SCAMP1: variants seen among roughly 807,000 people sequenced by gnomAD.
SCAMP1 encodes secretory carrier-associated membrane protein 1.
In SCAMP1, 15 loss-of-function variants were observed where a neutral mutation model predicts 41.8. The ratio of observed to expected loss-of-function variants is 0.36; its 90% CI spans 0.24 to 0.55. The LOEUF (loss-of-function observed/expected upper bound fraction) is 0.55. SCAMP1 is among the 20% of genes least tolerant of loss of function. The probability of loss-of-function intolerance (pLI) is 0.86; values close to 1 mark genes in which losing one functional copy is unlikely to be tolerated. For missense variants in SCAMP1, 341 were observed against 412.6 expected (o/e 0.83, Z 1.50); for synonymous variants, 135 against 136.8 (o/e 0.99, Z 0.09).
At chr5:78,433,264 G>A (rs1008285938) in intron 6 of SCAMP1, among the ~76,000 whole-genome samples, 4 of 152,154 alleles carry the variant, frequency 2.6e-5, no homozygotes, top group African/African-American at 9.7e-5. Context: ...ATACTTGACA[G>A]TGTGTCTTTT....
Position 78,460,799 on chromosome 5 carries a change from TC to T in SCAMP1, c.852+1439del, listed in dbSNP as rs1398231273. On this transcript the variant is annotated intron_variant, in intron 8 of 8. Transcript: ENST00000621999. ...TTCCTTCCTTCCTTCCTTCCTTCCT[TC>T]CTTCCTCCCTTCCTTCCTTCCTTTC... 4.2e-4 allele frequency among the ~76,000 whole-genome samples: 19 copies of T among 45,066 alleles called. 2 individuals are homozygous for T. Among genetic ancestry groups the T allele is most frequent in the African/African-American group, 1.5e-3 (16 of 10,844 alleles). 29.6% of individuals were successfully genotyped at this position (45,066 alleles called of 152,430 possible). A position where few individuals can be genotyped will look rare whatever the true frequency, so the allele number is the denominator to read the frequency against.
chr5:78,386,259 T>C (rs897777574), intron 1 of SCAMP1, among the ~76,000 whole-genome samples: 1 of 152,170 alleles, frequency 6.6e-6, no homozygotes, highest in Admixed American at 6.5e-5. Flanking sequence ...TTTTGTCTGA[T>C]ATAAAAATAA....
intron 2 of SCAMP1, among the ~76,000 whole-genome samples, chr5:78,391,451 CG>C: frequency 6.6e-6 from 1 of 150,660 alleles, no homozygotes; most frequent in South Asian, 2.1e-4. Flanking sequence ...GCTGGCCTGG[CG>C]GGGGCTGACC....
At chr5:78,464,102 C>T (rs1019723746) in intron 8 of SCAMP1, among the ~76,000 whole-genome samples, 1 of 151,846 alleles carries the variant, frequency 6.6e-6, no homozygotes, top group African/African-American at 2.4e-5. Flanking sequence ...CTCAGCCTCC[C>T]AAGTAGCTGG....
rs868850527 is a variant in SCAMP1, at chr5:78,414,982, C to T, written c.136-538C>T. 9.3e-4 allele frequency among the ~76,000 whole-genome samples: 135 copies of T among 145,304 alleles called. 1 individual carries two copies. The highest frequency in any genetic ancestry group is 3.4e-3 in the African/African-American group (131 of 38,834). ...TTTTTTTTTTTTTTTGAGATGGAGT[C>T]TTGCTCTGTTGCCCAGGCTGGAGTG... On this transcript the variant is annotated intron_variant, in intron 2 of 8. Coordinates refer to ENST00000621999, the MANE Select transcript of SCAMP1 (RefSeq NM_004866.6).
At chr5:78,369,443 T>TA (rs1470961670) in intron 1 of SCAMP1, among the ~76,000 whole-genome samples, 1 of 152,128 alleles carries the variant, frequency 6.6e-6, no homozygotes, top group Non-Finnish European at 1.5e-5. Flanking sequence ...TTTGCAGTGT[T>TA]ATGGGCATGG....
At chr5:78,465,744 G>A (rs1040109192) in intron 8 of SCAMP1, among the ~76,000 whole-genome samples, 20 of 152,148 alleles carry the variant, frequency 1.3e-4, no homozygotes, top group African/African-American at 4.8e-4. Context: ...AGAATGAAAA[G>A]GTTAATTGCG....
chr5:78,438,533 A>G (rs1019511162), intron 6 of SCAMP1, among the ~76,000 whole-genome samples: 1 of 152,086 alleles, frequency 6.6e-6, no homozygotes, highest in Admixed American at 6.6e-5. Context: ...TTTGAGTGAG[A>G]TTCTTAATCC....
intron 6 of SCAMP1, among the ~76,000 whole-genome samples, chr5:78,434,720 C>A (rs923755677): frequency 1.3e-5 from 2 of 152,132 alleles, no homozygotes; most frequent in Admixed American, 6.6e-5. Flanking sequence ...TATATGGCAT[C>A]ATTTGCACTT....
intron 6 of SCAMP1, among the ~76,000 whole-genome samples, chr5:78,426,690 A>C (rs1475470361): frequency 6.6e-6 from 1 of 152,196 alleles, no homozygotes; most frequent in Non-Finnish European, 1.5e-5. Context: ...CATCCTTCCC[A>C]AAATTTCCCT....
At chr5:78,361,536 A>C (rs998064126) in intron 1 of SCAMP1, among the ~76,000 whole-genome samples, 2 of 152,230 alleles carry the variant, frequency 1.3e-5, no homozygotes, top group Admixed American at 6.5e-5. Flanking sequence ...AGTCGACCTT[A>C]TCAACCCCGG....
chr5:78,405,043 A>C (rs758084228), intron 2 of SCAMP1, among the ~76,000 whole-genome samples: 1 of 152,184 alleles, frequency 6.6e-6, no homozygotes, highest in Non-Finnish European at 1.5e-5. Context: ...TGCTCTGGCA[A>C]ATTGTTACTC....
chr5:78,448,190 TTTTTTTTTG>T (rs1180539189), intron 6 of SCAMP1, among the ~76,000 whole-genome samples: 6 of 123,326 alleles, frequency 4.9e-5, no homozygotes, highest in Non-Finnish European at 8.6e-5. Flanking sequence ...TTCCCTTTTG[TTTTTTTTTG>T]TTTTTTTTTA....
chr5:78,415,019 T>G (rs902624799), intron 2 of SCAMP1, among the ~76,000 whole-genome samples: 2 of 151,466 alleles, frequency 1.3e-5, no homozygotes, highest in Non-Finnish European at 2.9e-5. Context: ...AGTGGTACAG[T>G]CTTGGCTCAC....
chr5:78,362,693 G>A (rs1750687167), intron 1 of SCAMP1, among the ~76,000 whole-genome samples: 1 of 152,088 alleles, frequency 6.6e-6, no homozygotes, highest in Admixed American at 6.5e-5. Context: ...CACTGTCAGT[G>A]TATCTGACCC....
intron 8 of SCAMP1, among the ~76,000 whole-genome samples, chr5:78,465,230 G>A (rs897743833): frequency 3.3e-5 from 5 of 152,168 alleles, no homozygotes; most frequent in African/African-American, 1.2e-4. Context: ...TGGGTACGCA[G>A]CTGTTAAGCA....
At position 78,460,808 on chromosome 5, in the gene SCAMP1, C is replaced by CTTT. The variant is rs1164686959; in HGVS notation, c.852+1446_852+1447insTTT. On this transcript the variant is annotated intron_variant, in intron 8 of 8. Transcript: ENST00000621999. Reference sequence around the variant, plus strand: ...TCCTTCCTTCCTTCCTTCCTTCCTCCCTTCCTTCCTTCCTTTCTTGTCTTT... The same window carrying CTTT: ...TCCTTCCTTCCTTCCTTCCTTCCTCCTTTCTTCCTTCCTTCCTTTCTTGTCTTT... 2.2e-3 allele frequency among the ~76,000 whole-genome samples: 52 copies of CTTT among 23,148 alleles called. 7 individuals carry two copies. The highest frequency in any genetic ancestry group is 3.8e-3 in the African/African-American group (31 of 8,226). The allele number at this position is 23,148 out of a possible 152,430, so 15.2% of individuals were successfully genotyped here.
intron 6 of SCAMP1, among the ~76,000 whole-genome samples, chr5:78,428,342 G>T (rs571748947): frequency 5.3e-5 from 8 of 152,200 alleles, no homozygotes; most frequent in Admixed American, 2.0e-4. Flanking sequence ...TTGTACTTCT[G>T]TTGAAAAATC....
chr5:78,449,911 T>G (rs771782873), intron 6 of SCAMP1, 22 bp from the exon 7 acceptor site: 9 of 1,377,970 alleles, frequency 6.5e-6, no homozygotes, highest in Non-Finnish European at 7.9e-6. Flanking sequence ...CTTTTTTCTT[T>G]CTTTCTTTTT....
Sources: allele counts gnomAD v4.1 joint callset (sites outside exome capture counted in the v4.1 genomes callset), GRCh38; gene constraint gnomAD v4.1.1; transcripts MANE v1.5; gene names NCBI Gene and HGNC (gene_info 2026-07-23, HGNC 2026-07-21).